SPATA17: variants seen among roughly 807,000 people sequenced by gnomAD.
The protein encoded by SPATA17 is spermatogenesis associated 17.
In SPATA17, 53 loss-of-function variants were observed where a neutral mutation model predicts 62.2. That is an observed-to-expected ratio of 0.85 (90% CI 0.68 to 1.07). The LOEUF is 1.07. Ranked by LOEUF, SPATA17 falls within the 50% of genes least tolerant of loss-of-function variation. The probability of loss-of-function intolerance (pLI) is 0.00; values close to 1 mark genes in which losing one functional copy is unlikely to be tolerated. For synonymous variants in SPATA17, 146 were observed against 146.8 expected, an observed-to-expected ratio of 0.99 and a Z score of 0.04; for missense variants, 466 against 425.5, an observed-to-expected ratio of 1.10 and a Z score of -0.84.
At chr1:217,750,475 A>G (rs190747538) in intron 6 of SPATA17, among the ~76,000 whole-genome samples, 3 of 152,198 alleles carry the variant, frequency 2.0e-5, no homozygotes, top group African/African-American at 7.2e-5. Flanking sequence ...GAAATGTATC[A>G]GTTGTGTCAT....
At chr1:217,683,912 C>G (rs1371096108) in intron 5 of SPATA17, among the ~76,000 whole-genome samples, 1 of 151,820 alleles carries the variant, frequency 6.6e-6, no homozygotes, top group Non-Finnish European at 1.5e-5. Context: ...TGTGTAGTAT[C>G]TTGGTCCTAT....
intron 6 of SPATA17, among the ~76,000 whole-genome samples, chr1:217,761,295 G>C (rs1673168184): frequency 6.6e-6 from 1 of 152,040 alleles, no homozygotes; most frequent in South Asian, 2.1e-4. Flanking sequence ...TGTCATATGG[G>C]ACTATTTATA....
At chr1:217,770,713 A>G (rs1226589201) in intron 6 of SPATA17, among the ~76,000 whole-genome samples, 1 of 152,162 alleles carries the variant, frequency 6.6e-6, no homozygotes, top group Admixed American at 6.6e-5. Flanking sequence ...TTTCAAATCA[A>G]TTGTACCGTT....
At chr1:217,802,386 T>C (rs760557451) in intron 9 of SPATA17, among the ~76,000 whole-genome samples, 4 of 152,206 alleles carry the variant, frequency 2.6e-5, no homozygotes, top group Non-Finnish European at 2.9e-5. Context: ...ATGTGATATA[T>C]TAGTCTATAC....
chr1:217,820,864 C>T lies in SPATA17; in HGVS notation c.1005+19014C>T, dbSNP rs191188917. ...CCTGAAGCCGGGTAGTTTTTAAAGA[C>T]GCTTATTTAGCTCATAGTTCTGTAG... On this transcript the variant is annotated intron_variant, in intron 9 of 10. Coordinates refer to ENST00000366933, the MANE Select transcript of SPATA17 (RefSeq NM_138796.4). 1.7e-4 allele frequency among the ~76,000 whole-genome samples: 26 copies of T among 152,072 alleles called. No homozygotes were observed. In the East Asian group the frequency reaches 2.9e-3, roughly 17 times the overall value.
chr1:217,854,810 G>A (rs185257774), intron 9 of SPATA17, among the ~76,000 whole-genome samples: 50 of 152,308 alleles, frequency 3.3e-4, no homozygotes, highest in African/African-American at 1.1e-3. Flanking sequence ...GAGTGAGAGA[G>A]TAAGGATGTG....
chr1:217,828,619 GCTT>G (rs1163903869), intron 9 of SPATA17, among the ~76,000 whole-genome samples: 1 of 148,716 alleles, frequency 6.7e-6, no homozygotes, highest in Non-Finnish European at 1.5e-5. Context: ...AAACTAAAAA[GCTT>G]CTGCACAGCA....
At chr1:217,781,510 T>C (rs1673725800) in intron 7 of SPATA17, among the ~76,000 whole-genome samples, 1 of 152,188 alleles carries the variant, frequency 6.6e-6, no homozygotes, top group African/African-American at 2.4e-5. Context: ...GAAAGCAGGA[T>C]ATGTTGTAAG....
At chr1:217,672,501 A>G (rs1230647781) in intron 4 of SPATA17, among the ~76,000 whole-genome samples, 1 of 152,184 alleles carries the variant, frequency 6.6e-6, no homozygotes, top group Non-Finnish European at 1.5e-5. Flanking sequence ...ATATTTGGCT[A>G]TTGATTGCTA....
chr1:217,718,739 T>C (rs1333253739), intron 5 of SPATA17, among the ~76,000 whole-genome samples: 3 of 152,180 alleles, frequency 2.0e-5, no homozygotes, highest in African/African-American at 7.2e-5. Context: ...TCAATCTTAT[T>C]ATGTTTAAAG....
chr1:217,725,791 T>C (rs1403603997), intron 5 of SPATA17, among the ~76,000 whole-genome samples: 1 of 152,190 alleles, frequency 6.6e-6, no homozygotes, highest in Admixed American at 6.5e-5. Flanking sequence ...TAGTTTAAAT[T>C]AAACTTATAG....
At chr1:217,683,819 A>G (rs974526369) in intron 5 of SPATA17, among the ~76,000 whole-genome samples, 1 of 151,772 alleles carries the variant, frequency 6.6e-6, no homozygotes, top group African/African-American at 2.4e-5. Context: ...ATTTACCTTA[A>G]TTTATTATTA....
intron 1 of SPATA17, among the ~76,000 whole-genome samples, chr1:217,639,066 C>G (rs904046058): frequency 2.6e-5 from 4 of 152,002 alleles, no homozygotes; most frequent in African/African-American, 7.2e-5. Context: ...AAGAAAACTT[C>G]TAAACTGAAG....
chr1:217,836,939 A>G (rs557172298), intron 9 of SPATA17, among the ~76,000 whole-genome samples: 3 of 152,310 alleles, frequency 2.0e-5, no homozygotes, highest in South Asian at 2.1e-4. Context: ...AAAATTATGT[A>G]TGAACCACAA....
At chr1:217,673,798 T>TG (rs1426606694) in intron 4 of SPATA17, among the ~76,000 whole-genome samples, 1 of 152,176 alleles carries the variant, frequency 6.6e-6, no homozygotes, top group Non-Finnish European at 1.5e-5. Context: ...ATTACTTATG[T>TG]GGGGAAAACC....
chr1:217,646,144 A>G (rs1338086190), intron 1 of SPATA17, among the ~76,000 whole-genome samples: 1 of 152,090 alleles, frequency 6.6e-6, no homozygotes, highest in Non-Finnish European at 1.5e-5. Context: ...GGCTTCAACT[A>G]TTAATCTCCT....
chr1:217,811,261 T>C (rs982658775), intron 9 of SPATA17, among the ~76,000 whole-genome samples: 2 of 152,112 alleles, frequency 1.3e-5, no homozygotes, highest in African/African-American at 4.8e-5. Context: ...CTCGAACTCC[T>C]GGCTCGAACT....
chr1:217,682,677 G>A (rs960139400), intron 4 of SPATA17, among the ~76,000 whole-genome samples: 18 of 152,062 alleles, frequency 1.2e-4, no homozygotes, highest in Non-Finnish European at 2.4e-4. Context: ...TGTCATAGGA[G>A]TATTCTAAAG....
chr1:217,668,328 C>G (rs1048713777), intron 3 of SPATA17, among the ~76,000 whole-genome samples: 18 of 152,186 alleles, frequency 1.2e-4, no homozygotes, highest in African/African-American at 3.9e-4. Context: ...GAATGACTTA[C>G]TGTAACAGAA....
Sources: allele counts gnomAD v4.1 joint callset (sites outside exome capture counted in the v4.1 genomes callset), GRCh38; gene constraint gnomAD v4.1.1; transcripts MANE v1.5; gene names NCBI Gene and HGNC (gene_info 2026-07-23, HGNC 2026-07-21).